Variants in MRPL1 observed in about 807,000 individuals in gnomAD.
MRPL1 encodes mitochondrial ribosomal protein L1, also known as large ribosomal subunit protein uL1m.
In MRPL1, 28 loss-of-function variants were observed where a neutral mutation model predicts 38.0. That is an observed-to-expected ratio of 0.74 (90% CI 0.55 to 1.01). MRPL1 has a LOEUF of 1.01. Ranked by LOEUF, MRPL1 falls within the 50% of genes least tolerant of loss-of-function variation. The probability of loss-of-function intolerance (pLI) is 0.00; values close to 1 mark genes in which losing one functional copy is unlikely to be tolerated. For missense variants in MRPL1, 358 were observed against 389.8 expected, an observed-to-expected ratio of 0.92 and a Z score of 0.69; for synonymous variants, 123 against 126.7, an observed-to-expected ratio of 0.97 and a Z score of 0.20.
intron 7 of MRPL1, among the ~76,000 whole-genome samples, chr4:77,937,164 C>A (rs1737005231): frequency 6.6e-6 from 1 of 151,918 alleles, no homozygotes; most frequent in Non-Finnish European, 1.5e-5. Context: ...TGGGTATAAA[C>A]ATGACATCAT....
At chr4:77,923,169 C>T (rs549522558) in intron 7 of MRPL1, among the ~76,000 whole-genome samples, 2 of 152,086 alleles carry the variant, frequency 1.3e-5, no homozygotes, top group Non-Finnish European at 2.9e-5. Context: ...GATCTTGGCT[C>T]ACTGCAACCT....
chr4:77,893,928 T>C (rs1735859058), intron 5 of MRPL1, among the ~76,000 whole-genome samples: 1 of 152,144 alleles, frequency 6.6e-6, no homozygotes, highest in African/African-American at 2.4e-5. Flanking sequence ...ATTTTTTTTT[T>C]TAAGGATGTG....
At chr4:77,931,598 T>C (rs1418675473) in intron 7 of MRPL1, among the ~76,000 whole-genome samples, 1 of 152,258 alleles carries the variant, frequency 6.6e-6, no homozygotes, top group Non-Finnish European at 1.5e-5. Context: ...GGATATATTA[T>C]GTGTACTTTT....
chr4:77,908,137 T>TATTGTTTCC (rs1158811674), intron 6 of MRPL1, among the ~76,000 whole-genome samples: 1 of 152,084 alleles, frequency 6.6e-6, no homozygotes, highest in Non-Finnish European at 1.5e-5. Flanking sequence ...TTCACTATGA[T>TATTGTTTCC]ATTGTTTCCA....
intron 7 of MRPL1, among the ~76,000 whole-genome samples, chr4:77,910,482 C>CA (rs926354545): frequency 3.3e-5 from 5 of 152,140 alleles, no homozygotes; most frequent in African/African-American, 1.2e-4. Flanking sequence ...ATAAAAAATA[C>CA]AAAAAAATTA....
At chr4:77,908,652 C>T (rs1405461177) in intron 6 of MRPL1, among the ~76,000 whole-genome samples, 4 of 152,088 alleles carry the variant, frequency 2.6e-5, no homozygotes, top group Non-Finnish European at 5.9e-5. Context: ...CATAATGGTG[C>T]AACAATATTA....
intron 7 of MRPL1, among the ~76,000 whole-genome samples, chr4:77,919,505 C>T (rs939529265): frequency 6.6e-6 from 1 of 152,100 alleles, no homozygotes; most frequent in Non-Finnish European, 1.5e-5. Flanking sequence ...GACTACCTCA[C>T]ATATTTCAAA....
chr4:77,917,887 C>G (rs555326677), intron 7 of MRPL1, among the ~76,000 whole-genome samples: 35 of 152,082 alleles, frequency 2.3e-4, no homozygotes, highest in Admixed American at 1.0e-3. Context: ...GAAATCCCTT[C>G]TCTACTAAAA....
intron 2 of MRPL1, among the ~76,000 whole-genome samples, chr4:77,878,633 A>G (rs183164172): frequency 8.5e-5 from 13 of 152,200 alleles, no homozygotes; most frequent in African/African-American, 3.1e-4. Flanking sequence ...TAATCCTAGC[A>G]CTTTGGGAGG....
At chr4:77,903,615 A>C (rs1211230935) in intron 6 of MRPL1, among the ~76,000 whole-genome samples, 4 of 152,226 alleles carry the variant, frequency 2.6e-5, no homozygotes, top group Admixed American at 6.5e-5. Context: ...TCCATGCATG[A>C]AAATCAGTGG....
chr4:77,943,883 G>A (rs1260963383), intron 7 of MRPL1, among the ~76,000 whole-genome samples: 1 of 152,124 alleles, frequency 6.6e-6, no homozygotes, highest in Non-Finnish European at 1.5e-5. Context: ...GCAATTCAGG[G>A]ATTTCTTCTT....
At chr4:77,940,580 C>T (rs2110264650) in intron 7 of MRPL1, among the ~76,000 whole-genome samples, 1 of 152,268 alleles carries the variant, frequency 6.6e-6, no homozygotes, top group Admixed American at 6.5e-5. Flanking sequence ...AGTGCAATGT[C>T]AAATAGAAGT....
In MRPL1 at chr4:77,885,122, T is replaced by G. The variant is rs1321039579; in HGVS notation, c.403-134T>G. The G allele has an allele frequency of 4.1e-5, 25 of 610,760 alleles. No individual in the cohort carries two copies. In the Admixed American group the frequency reaches 5.9e-4, roughly 14 times the overall value. 37.8% of individuals were successfully genotyped at this position (610,760 alleles called of 1,614,324 possible). ...TTCATGAATAGTAATCAATGAATAGTTCTGAATTAATGGAAGAACATAGAG... is the reference window on the plus strand; with the variant it reads ...TTCATGAATAGTAATCAATGAATAGGTCTGAATTAATGGAAGAACATAGAG... On this transcript the variant is annotated intron_variant, in intron 3 of 8. Coordinates refer to ENST00000315567, the MANE Select transcript of MRPL1 (RefSeq NM_020236.4).
At chr4:77,917,937 C>A (rs1307820039) in intron 7 of MRPL1, among the ~76,000 whole-genome samples, 1 of 151,904 alleles carries the variant, frequency 6.6e-6, no homozygotes, top group Admixed American at 6.6e-5. Flanking sequence ...ATGCTGTAGT[C>A]CCAGCTACCT....
intron 1 of MRPL1, among the ~76,000 whole-genome samples, chr4:77,864,008 T>G (rs956324717): frequency 6.6e-6 from 1 of 150,652 alleles, no homozygotes; most frequent in African/African-American, 2.5e-5. Flanking sequence ...CAGTTTTTTT[T>G]TTTTTTTTTT....
chr4:77,941,267 G>GAA (rs76939382), intron 7 of MRPL1, among the ~76,000 whole-genome samples: 3 of 128,032 alleles, frequency 2.3e-5, no homozygotes, highest in Admixed American at 8.0e-5. Context: ...CTCTGCCTCA[G>GAA]AAAAAAAAAA....
At chr4:77,934,822 CAT>C (rs1736928403) in intron 7 of MRPL1, among the ~76,000 whole-genome samples, 1 of 152,150 alleles carries the variant, frequency 6.6e-6, no homozygotes. Context: ...GCAGCACACA[CAT>C]GGAATGCAAT....
chr4:77,867,204 T>C (rs977188758), intron 1 of MRPL1, among the ~76,000 whole-genome samples: 3 of 152,206 alleles, frequency 2.0e-5, no homozygotes, highest in Non-Finnish European at 1.5e-5. Flanking sequence ...CCTATGAGGA[T>C]AGGGATTTTT....
chr4:77,949,722 T>A, intron 7 of MRPL1, 75 bp from the exon 8 acceptor site: 6 of 1,071,356 alleles, frequency 5.6e-6, no homozygotes, highest in Non-Finnish European at 6.9e-6. Context: ...GTTGACTATT[T>A]GAAAAATAGT....
Sources: allele counts gnomAD v4.1 joint callset (sites outside exome capture counted in the v4.1 genomes callset), GRCh38; gene constraint gnomAD v4.1.1; transcripts MANE v1.5; gene names NCBI Gene and HGNC (gene_info 2026-07-23, HGNC 2026-07-21).